SACS: variants seen among roughly 807,000 people sequenced by gnomAD.
SACS encodes sacsin.
In SACS, 197 loss-of-function variants were observed where a neutral mutation model predicts 348.0. That is an observed-to-expected ratio of 0.57 (90% CI 0.50 to 0.64). The LOEUF (loss-of-function observed/expected upper bound fraction) is 0.64, where lower values mean the gene tolerates loss of function less well. Ranked by LOEUF, SACS falls within the 30% of genes least tolerant of loss-of-function variation. The pLI, the probability that SACS is intolerant of heterozygous loss-of-function variation, is 0.00. For missense variants in SACS, 4,999 were observed against 5,360.8 expected, an observed-to-expected ratio of 0.93 and a Z score of 2.11; for synonymous variants, 1,985 against 1,910.6, an observed-to-expected ratio of 1.04 and a Z score of -1.02.
chr13:23,367,791 G>A (rs1385881674), intron 5 of SACS, among the ~76,000 whole-genome samples: 1 of 151,970 alleles, frequency 6.6e-6, no homozygotes, highest in Non-Finnish European at 1.5e-5. Flanking sequence ...ACGGGGTTTC[G>A]CCAAGTTGGC....
rs1429030974 is a variant in SACS, at chr13:23,354,501, T to C, written c.2093+18A>G. On this transcript the variant is annotated intron_variant, in intron 8 of 9. Transcript: ENST00000382292. ...GAACCCTAAGAGTGAACAGGAATGT[T>C]AGAAGGGGGACCCCTACCTTGGATA... 7 of 1,610,406 alleles carry C rather than the reference T, an allele frequency of 4.3e-6. No homozygotes were observed. Among genetic ancestry groups the C allele is most frequent in the Non-Finnish European group, 5.1e-6 (6 of 1,176,774 alleles).
At chr13:23,375,457 G>A (rs1489133254) in intron 2 of SACS, 188 bp from the exon 3 acceptor site, 103 of 1,175,440 alleles carry the variant, frequency 8.8e-5, no homozygotes, top group Non-Finnish European at 4.8e-5. Context: ...CGGGCCGGGA[G>A]GGCGGGATCC....
chr13:23,353,423 T>C (rs1322127372), intron 9 of SACS, among the ~76,000 whole-genome samples: 1 of 152,222 alleles, frequency 6.6e-6, no homozygotes, highest in Non-Finnish European at 1.5e-5. Context: ...CTCTCTCCTC[T>C]TCTGTGAAAT....
Position 23,334,271 on chromosome 13 carries a change from T to C in SACS, c.9605A>G (p.Asn3202Ser), listed in dbSNP as rs1409421323. 2 of 1,607,248 alleles carry C rather than the reference T, an allele frequency of 1.2e-6. No homozygotes were observed. Among genetic ancestry groups the C allele is most frequent in the Non-Finnish European group, 1.7e-6 (2 of 1,176,410 alleles). Residue 3202 changes from asparagine (N) to serine (S), a missense_variant, in exon 10 of 10, where the codon AAC (asparagine) becomes AGC (serine). Physicochemically the swap from Asn to Ser is conservative, Grantham distance 46. Transcript: ENST00000382292. ...GTCAAACACTTTTGCAACTTTACAG[T>C]TCAATAAAATATTACTATATTTCAA... The part of the protein sequence containing the change: ...LYLKYSNILL[N>S]CKVAKVFDIS...
chr13:23,365,213 TGA>T lies in SACS; in HGVS notation c.408_409del (p.Gln137IlefsTer46). On this transcript the variant is annotated frameshift_variant, in exon 6 of 10. Transcript: ENST00000382292. LOFTEE classifies it high-confidence loss of function. ...TGACCAAAGAGTCTCTGTTCCGTAT[TGA>T]GTTTCATCATATAAAAATTTAACTT... 1 of 1,613,092 alleles carries T rather than the reference TGA, an allele frequency of 6.2e-7. No homozygotes were observed. The highest frequency in any genetic ancestry group is 8.5e-7 in the Non-Finnish European group (1 of 1,179,746).
At chr13:23,341,775 AG>A (rs1869255156) in intron 9 of SACS, 85 bp from the exon 10 acceptor site, 3 of 745,980 alleles carry the variant, frequency 4.0e-6, no homozygotes, top group African/African-American at 1.9e-5. Flanking sequence ...CAGTACTGGA[AG>A]GTTCTTTTTT....
chr13:23,392,204 G>A (rs1872553730), intron 2 of SACS, among the ~76,000 whole-genome samples: 2 of 152,162 alleles, frequency 1.3e-5, no homozygotes, highest in East Asian at 1.9e-4. Context: ...CTGTAACCGG[G>A]CCCTCTCTTT....
intron 2 of SACS, among the ~76,000 whole-genome samples, chr13:23,378,696 C>A (rs1294327090): frequency 1.3e-5 from 2 of 152,146 alleles, no homozygotes; most frequent in African/African-American, 4.8e-5. Flanking sequence ...CCCACCTCAG[C>A]CTCCCAAAGT....
chr13:23,392,033 T>C lies in SACS; in HGVS notation c.21-16764A>G, dbSNP rs891772598. On this transcript the variant is annotated intron_variant, in intron 2 of 9. Transcript: ENST00000382292. ...AATCACGCATGCAGACTGACTTTCC[T>C]GTCTCCCAGGATGCAGTAAAATGGA... Among the ~76,000 whole-genome samples, 5 of 152,312 alleles carry C rather than the reference T, an allele frequency of 3.3e-5. No homozygotes were observed. In the South Asian group the frequency reaches 1.0e-3, roughly 32 times the overall value.
At chr13:23,361,672 G>C (rs1237508872) in intron 6 of SACS, among the ~76,000 whole-genome samples, 2 of 152,068 alleles carry the variant, frequency 1.3e-5, no homozygotes, top group Non-Finnish European at 2.9e-5. Context: ...AGCTATTCAG[G>C]AGGCTAAGGC....
rs1593120460 is a variant in SACS at position 23,331,203 on chromosome 13, A to G, written c.12673T>C (p.Tyr4225His). 7 of 1,613,652 alleles carry G rather than the reference A, an allele frequency of 4.3e-6. No individual in the cohort carries two copies. The highest frequency in any genetic ancestry group is 2.2e-5 in the East Asian group (1 of 44,886). ...TCACTATAACCAATATCTATCTGAT[A>G]TATCTTTCCTAGAAAACTAGAATTG... ...ADNSSFLGKI[Y>H]QIDIGYSEYK... The change falls in exon 10 of 10, where the codon TAT becomes CAT. Residue 4225 changes from tyrosine (Y) to histidine (H), a missense_variant. Tyr to His is a moderately conservative substitution (Grantham distance 83). Transcript: ENST00000382292.
At chr13:23,425,414 G>C (rs899230013) in intron 1 of SACS, among the ~76,000 whole-genome samples, 2 of 152,126 alleles carry the variant, frequency 1.3e-5, no homozygotes, top group African/African-American at 4.8e-5. Flanking sequence ...GTTTATGCAG[G>C]GACTGGAGTC....
intron 2 of SACS, among the ~76,000 whole-genome samples, chr13:23,382,186 C>T (rs1872085035): frequency 6.6e-6 from 1 of 152,152 alleles, no homozygotes; most frequent in South Asian, 2.1e-4. Flanking sequence ...CGGAGTCTCG[C>T]TTTGTTGCCC....
Position 23,338,352 on chromosome 13 carries a change from C to A in SACS, c.5524G>T (p.Gly1842Ter). ...CCTACTGCCCCACATGGAACCAGTC[C>A]TAGTCTTCTTCCACTCTCACTCAGG... Reference protein sequence around the residue: ...FSLSESGRRLGLVPCGAVGVQ... With the variant: ...FSLSESGRRL The change falls in exon 10 of 10, where the codon GGA becomes TGA. Residue 1842 changes from glycine to a stop codon, truncating the protein, a stop_gained. Transcript: ENST00000382292. LOFTEE classifies it high-confidence loss of function. 1 of 1,614,124 alleles carries A rather than the reference C, an allele frequency of 6.2e-7. No homozygotes were observed. Among genetic ancestry groups the A allele is most frequent in the Non-Finnish European group, 8.5e-7 (1 of 1,179,998 alleles).
At chr13:23,373,670 C>G (rs908037167) in intron 3 of SACS, among the ~76,000 whole-genome samples, 1 of 152,080 alleles carries the variant, frequency 6.6e-6, no homozygotes, top group Admixed American at 6.6e-5. Context: ...CGTGGTGGCA[C>G]ACGCCTGTAG....
intron 6 of SACS, among the ~76,000 whole-genome samples, chr13:23,359,529 T>C (rs1180769891): frequency 6.6e-6 from 1 of 152,146 alleles, no homozygotes; most frequent in Non-Finnish European, 1.5e-5. Flanking sequence ...CTATGTAAAA[T>C]AATATCAACT....
chr13:23,330,618 A>G lies in SACS; in HGVS notation c.13258T>C (p.Cys4420Arg). The G allele has an allele frequency of 3.1e-6, 5 of 1,613,682 alleles. No individual in the cohort carries two copies. Among genetic ancestry groups the G allele is most frequent in the Non-Finnish European group, 4.2e-6 (5 of 1,179,922 alleles). The part of the protein sequence containing the change: ...SERQQQNKEK[C>R]PPSAGQTYSQ... ...TAAGTCTGTCCGGCTGAAGGGGGGC[A>G]TTTTTCTTTGTTCTGTTGCTGTCTT... The change falls in exon 10 of 10, where the codon TGC becomes CGC. Residue 4420 changes from cysteine (C) to arginine (R), a missense_variant. Physicochemically the swap from Cys to Arg is radical, Grantham distance 180. Coordinates refer to ENST00000382292, the MANE Select transcript of SACS (RefSeq NM_014363.6).
Position 23,329,267 on chromosome 13 carries a change from T to G in SACS, c.*869A>C, listed in dbSNP as rs1883318662. 1.9e-6 allele frequency: 1 copy of G among 533,158 alleles called. No individual in the cohort carries two copies. Among genetic ancestry groups the G allele is most frequent in the South Asian group, 2.9e-5 (1 of 34,030 alleles). The allele number at this position is 533,158 out of a possible 1,614,324, so 33.0% of individuals were successfully genotyped here. A position where few individuals can be genotyped will look rare whatever the true frequency, so the allele number is the denominator to read the frequency against. On this transcript the variant is annotated 3_prime_UTR_variant, in exon 10 of 10. Transcript: ENST00000382292. The stretch of plus-strand genomic sequence containing the variant: ...AAGAAAAGGTTGTTTTTTTTTTAAC[T>G]GCAGCACCTTTAGACAACAAAAGAT...
At position 23,331,720 on chromosome 13, in the gene SACS, C is replaced by T. The variant is rs1231366855; in HGVS notation, c.12156G>A (p.Lys4052=). 5.0e-6 allele frequency: 8 copies of T among 1,613,832 alleles called. No individual in the cohort carries two copies. The Admixed American group carries it at 8.3e-5, about 17-fold the overall frequency. The change falls in exon 10 of 10, where the codon AAG becomes AAA. Residue 4052 remains lysine (K), a synonymous_variant. Transcript: ENST00000382292. ...REGLKVSCFE[K]LQTTLRVKGF... ...CTTTAACTCTTAATGTTGTTTGAAG[C>T]TTTTCAAAGCAGGATACTTTCAATC...
Sources: gnomAD v4.1 joint callset for allele counts (sites outside exome capture counted in the v4.1 genomes callset) on GRCh38, gnomAD v4.1.1 for gene constraint, MANE v1.5 for transcripts, NCBI Gene and HGNC (gene_info 2026-07-23, HGNC 2026-07-21) for gene names.